TIGD3: variants seen among roughly 807,000 people sequenced by gnomAD.
TIGD3 encodes tigger transposable element derived 3, also known as tigger transposable element-derived protein 3.
Under a neutral mutation model 14.8 loss-of-function variants are expected in TIGD3, and 7 were observed. The ratio of observed to expected loss-of-function variants is 0.47; its 90% confidence interval spans 0.27 to 0.89. The LOEUF (loss-of-function observed/expected upper bound fraction) is 0.89, where lower values mean the gene tolerates loss of function less well. Among genes scored for constraint, TIGD3 ranks in the 40% least tolerant of loss-of-function variants. The pLI is 0.13. For missense variants in TIGD3, 581 were observed against 611.0 expected, an observed-to-expected ratio of 0.95 and a Z score of 0.52; for synonymous variants, 243 against 269.4, an observed-to-expected ratio of 0.90 and a Z score of 0.96.
In TIGD3 at chr11:65,357,260, C is replaced by A. The variant is rs192380104; in HGVS notation, c.*36C>A. 264 of 1,594,904 alleles carry A rather than the reference C, an allele frequency of 1.7e-4. No individual in the cohort carries two copies. In the African/African-American group the frequency reaches 3.1e-3, roughly 18 times the overall value. The stretch of plus-strand genomic sequence containing the variant: ...ACTGCTTGCCAGAGCCCCTTCCTCT[C>A]TTGTTTCCCATGGAAACGGCCTCTT... On this transcript the variant is annotated 3_prime_UTR_variant, in exon 2 of 2. Coordinates refer to ENST00000309880, the MANE Select transcript of TIGD3 (RefSeq NM_145719.3).
At position 65,356,817 on chromosome 11, in the gene TIGD3, G is replaced by C. The variant is rs758062606; in HGVS notation, c.1009G>C (p.Val337Leu). The C allele has an allele frequency of 9.9e-6, 16 of 1,613,058 alleles. No individual in the cohort carries two copies. The highest frequency in any genetic ancestry group is 1.3e-5 in the Non-Finnish European group (15 of 1,179,924). The change falls in exon 2 of 2, where the codon GTG becomes CTG. Residue 337 changes from valine to leucine, a missense_variant. Val to Leu is a conservative substitution (Grantham distance 32). Transcript: ENST00000309880. The surrounding 1 kb of genome is among the most constrained non-coding windows in gnomAD (Gnocchi z 5.2). The part of the protein sequence containing the change: ...SLAEAGAGIT[V>L]LDALHVASAA... ...GGCCGAGGCCGGGGCAGGCATCACCGTGCTGGACGCCCTGCACGTGGCGTC... is the reference window on the plus strand; with the variant it reads ...GGCCGAGGCCGGGGCAGGCATCACCCTGCTGGACGCCCTGCACGTGGCGTC...
In TIGD3 at chr11:65,356,607, G is replaced by T; in HGVS notation, c.799G>T (p.Ala267Ser). The T allele has an allele frequency of 6.2e-7, 1 of 1,611,292 alleles. No homozygotes were observed. Residue 267 changes from alanine (A) to serine (S), a missense_variant, in exon 2 of 2, where the codon GCC becomes TCC. Coordinates refer to ENST00000309880, the MANE Select transcript of TIGD3 (RefSeq NM_145719.3). The surrounding 1 kb of genome is among the most constrained non-coding windows in gnomAD (Gnocchi z 5.2). ...QGRQVALLLA[A>S]RVVEELAGLP... ...CCGACAGGTGGCTTTGCTGCTGGCT[G>T]CCCGAGTGGTGGAGGAGCTGGCAGG...
Position 65,357,508 on chromosome 11 carries a change from G to T in TIGD3, c.*284G>T. 2.8e-6 allele frequency: 1 copy of T among 351,948 alleles called. No homozygotes were observed. The highest frequency in any genetic ancestry group is 5.5e-6 in the Non-Finnish European group (1 of 183,452). 21.8% of individuals were successfully genotyped at this position (351,948 alleles called of 1,614,324 possible). A position where few individuals can be genotyped will look rare whatever the true frequency, so the allele number is the denominator to read the frequency against. On this transcript the variant is annotated 3_prime_UTR_variant, in exon 2 of 2. Coordinates refer to ENST00000309880, the MANE Select transcript of TIGD3 (RefSeq NM_145719.3). ...CCTTTGAAAGGGAGTTAGTCTAGAG[G>T]CAGCCACTTAGAAAGGTGGAATTTG... is the stretch of plus-strand genomic sequence containing the variant.
chr11:65,356,250 G>C lies in TIGD3; in HGVS notation c.442G>C (p.Glu148Gln), dbSNP rs574350803. The C allele has an allele frequency of 8.7e-6, 14 of 1,612,846 alleles. No homozygotes were observed. The highest frequency in any genetic ancestry group is 1.3e-5 in the African/African-American group (1 of 74,924). The change falls in exon 2 of 2, where the codon GAG becomes CAG. Residue 148 changes from glutamate to glutamine, a missense_variant. By Grantham distance (29) the Glu-to-Gln change is conservative (BLOSUM62 2). Transcript: ENST00000309880. The surrounding 1 kb of genome is among the most constrained non-coding windows in gnomAD (Gnocchi z 5.2). ...RHVLAPSFPP[E>Q]PPPPGLTSQA... ...TGTTCTTGCGCCTTCATTCCCCCCT[G>C]AGCCACCTCCCCCGGGGCTCACATC...
chr11:65,355,602 G>T (rs1854837895), intron 1 of TIGD3, among the ~76,000 whole-genome samples, 191 bp from the exon 2 acceptor site: 2 of 151,976 alleles, frequency 1.3e-5, no homozygotes, highest in Admixed American at 1.3e-4. Flanking sequence ...CCCCTCCCCA[G>T]CTCTGCCCTG....
rs1279280445 is a variant in TIGD3 at position 65,356,911 on chromosome 11, G to T, written c.1103G>T (p.Gly368Val). The stretch of plus-strand genomic sequence containing the variant: ...TTCATTCAAGAAGGGCTGGCTCCCG[G>T]CAAAACGCCCCCGTCCTCGCACAAA... Reference protein sequence around the residue: ...SSFIQEGLAPGKTPPSSHKTS... With the variant: ...SSFIQEGLAPVKTPPSSHKTS... Residue 368 changes from glycine to valine, a missense_variant, in exon 2 of 2, where the codon GGC (glycine) becomes GTC (valine). Transcript: ENST00000309880. The surrounding 1 kb of genome is among the most constrained non-coding windows in gnomAD (Gnocchi z 5.2). The T allele has an allele frequency of 6.2e-7, 1 of 1,614,030 alleles. No homozygotes were observed.
rs1268700900 is a variant in TIGD3 at position 65,356,961 on chromosome 11, G to T, written c.1153G>T (p.Gly385Cys). 6.2e-7 allele frequency: 1 copy of T among 1,614,038 alleles called. No individual in the cohort carries two copies. The highest frequency in any genetic ancestry group is 1.3e-5 in the African/African-American group (1 of 74,940). Reference sequence around the variant, plus strand: ...AACCTCTGAGATGCCACCAGTCCCCGGCGGGCTGAGCCTGGAGGAGTTTTC... The same window carrying T: ...AACCTCTGAGATGCCACCAGTCCCCTGCGGGCTGAGCCTGGAGGAGTTTTC... ...HKTSEMPPVP[G>C]GLSLEEFSRF... Residue 385 changes from glycine to cysteine, a missense_variant, in exon 2 of 2, where the codon GGC becomes TGC. Gly to Cys is a radical substitution (Grantham distance 159). Coordinates refer to ENST00000309880, the MANE Select transcript of TIGD3 (RefSeq NM_145719.3). This position sits in a 1 kb window ranked among gnomAD's most constrained non-coding sequence, Gnocchi z 5.2.
At position 65,357,023 on chromosome 11, in the gene TIGD3, T is replaced by C; in HGVS notation, c.1215T>C (p.Ser405=). Residue 405 remains serine (S), a synonymous_variant, in exon 2 of 2, where the codon TCT becomes TCC. Coordinates refer to ENST00000309880, the MANE Select transcript of TIGD3 (RefSeq NM_145719.3). ...FVDLEGEEPR[S]GVCKEEIGTE... ...ACCTGGAGGGTGAGGAGCCAAGGTC[T>C]GGAGTATGTAAGGAGGAGATAGGCA... 1.2e-6 allele frequency: 2 copies of C among 1,614,038 alleles called. No individual in the cohort carries two copies. The highest frequency in any genetic ancestry group is 1.7e-6 in the Non-Finnish European group (2 of 1,179,978).
At chr11:65,355,503 T>C (rs565473759) in intron 1 of TIGD3, among the ~76,000 whole-genome samples, 29 of 146,560 alleles carry the variant, frequency 2.0e-4, no homozygotes, top group Non-Finnish European at 4.1e-4. Flanking sequence ...TTGTTATCTC[T>C]GCAGCTGTCC....
Position 65,356,596 on chromosome 11 carries a change from T to C in TIGD3, c.788T>C (p.Leu263Ser). ...DMGQQGRQVA[L>S]LLAARVVEEL... Reference sequence around the variant, plus strand: ...GGACAGCAGGGCCGACAGGTGGCTTTGCTGCTGGCTGCCCGAGTGGTGGAG... The same window carrying C: ...GGACAGCAGGGCCGACAGGTGGCTTCGCTGCTGGCTGCCCGAGTGGTGGAG... The change falls in exon 2 of 2, where the codon TTG (leucine) becomes TCG (serine). Residue 263 changes from leucine to serine, a missense_variant. Physicochemically the swap from Leu to Ser is moderately radical, Grantham distance 145. Coordinates refer to ENST00000309880, the MANE Select transcript of TIGD3 (RefSeq NM_145719.3). The surrounding 1 kb of genome is among the most constrained non-coding windows in gnomAD (Gnocchi z 5.2). The C allele has an allele frequency of 5.0e-6, 8 of 1,610,708 alleles. No homozygotes were observed. The highest frequency in any genetic ancestry group is 5.9e-6 in the Non-Finnish European group (7 of 1,179,950).
rs1482676828 is a variant in TIGD3, at chr11:65,356,204, C to T, written c.396C>T (p.Asn132=). ...GWLVRWKRRN[N]VGFGARHVLA... ...TGGTCCGCTGGAAACGCCGAAACAA[C>T]GTCGGCTTTGGGGCCCGCCATGTTC... is the stretch of plus-strand genomic sequence containing the variant. The change falls in exon 2 of 2, where the codon AAC becomes AAT. Residue 132 remains asparagine (N), a synonymous_variant. Transcript: ENST00000309880. This position sits in a 1 kb window ranked among gnomAD's most constrained non-coding sequence, Gnocchi z 5.2. The T allele has an allele frequency of 8.1e-6, 13 of 1,611,966 alleles. No individual in the cohort carries two copies. The Admixed American group carries it at 1.8e-4, about 23-fold the overall frequency.
intron 1 of TIGD3, 45 bp from the exon 2 acceptor site, chr11:65,355,748 C>T (rs1854840272): frequency 2.7e-6 from 4 of 1,490,112 alleles, no homozygotes; most frequent in Admixed American, 4.1e-5. Flanking sequence ...CTAGCTCTTC[C>T]GGCCTCAGAT....
In TIGD3 at chr11:65,356,381, A is replaced by G. The variant is rs1036062198; in HGVS notation, c.573A>G (p.Ala191=). The change falls in exon 2 of 2, where the codon GCA becomes GCG. Residue 191 remains alanine, a synonymous_variant. Coordinates refer to ENST00000309880, the MANE Select transcript of TIGD3 (RefSeq NM_145719.3). The surrounding 1 kb of genome is among the most constrained non-coding windows in gnomAD (Gnocchi z 5.2). ...LYRAVPGSFG[A]CDQVQVLLCA... Reference sequence around the variant, plus strand: ...GGGCAGTGCCCGGCAGCTTTGGTGCATGTGATCAAGTACAGGTGCTGCTGT... The same window carrying G: ...GGGCAGTGCCCGGCAGCTTTGGTGCGTGTGATCAAGTACAGGTGCTGCTGT... 6.2e-7 allele frequency: 1 copy of G among 1,611,044 alleles called. No individual in the cohort carries two copies. Among genetic ancestry groups the G allele is most frequent in the East Asian group, 2.2e-5 (1 of 44,894 alleles).
At chr11:65,355,475 T>A (rs1415380964) in intron 1 of TIGD3, among the ~76,000 whole-genome samples, 1 of 43,928 alleles carries the variant, frequency 2.3e-5, no homozygotes, top group Non-Finnish European at 4.5e-5. Flanking sequence ...TCCCAGGCCC[T>A]CCCCCGTCCG....
Position 65,356,707 on chromosome 11 carries a change from TG to T in TIGD3, c.901del (p.Val301SerfsTer87). 6.2e-7 allele frequency: 1 copy of T among 1,613,248 alleles called. No individual in the cohort carries two copies. Among genetic ancestry groups the T allele is most frequent in the Non-Finnish European group, 8.5e-7 (1 of 1,179,994 alleles). On this transcript the variant is annotated frameshift_variant, in exon 2 of 2. Transcript: ENST00000309880. LOFTEE classifies it low-confidence loss of function (END_TRUNC). This position sits in a 1 kb window ranked among gnomAD's most constrained non-coding sequence, Gnocchi z 5.2. ...ACCACGCCTCCCCTGCCCAGCTCAG[TG>T]GTCCGGGCCTTTAAGGCCCATTACC... is the stretch of plus-strand genomic sequence containing the variant. ...SSTTPPLPSS[V>X]VRAFKAHYRH...
chr11:65,356,427 G>A lies in TIGD3; in HGVS notation c.619G>A (p.Glu207Lys). Residue 207 changes from glutamate to lysine, a missense_variant, in exon 2 of 2, where the codon GAG (glutamate) becomes AAG (lysine). By Grantham distance (56) the Glu-to-Lys change is moderately conservative (BLOSUM62 1). Coordinates refer to ENST00000309880, the MANE Select transcript of TIGD3 (RefSeq NM_145719.3). The surrounding 1 kb of genome is among the most constrained non-coding windows in gnomAD (Gnocchi z 5.2). ...VLLCANSRGT[E>K]KRRVLLGGLQ... ...GCTGTGTGCCAACAGCAGGGGCACCGAGAAGCGGCGGGTACTGCTGGGTGG... is the reference window on the plus strand; with the variant it reads ...GCTGTGTGCCAACAGCAGGGGCACCAAGAAGCGGCGGGTACTGCTGGGTGG... The A allele has an allele frequency of 6.2e-7, 1 of 1,609,758 alleles. No individual in the cohort carries two copies. Among genetic ancestry groups the A allele is most frequent in the South Asian group, 1.1e-5 (1 of 91,080 alleles).
rs373026238 is a variant in TIGD3, at chr11:65,356,105, G to A, written c.297G>A (p.Gly99=). 12 of 1,611,120 alleles carry A rather than the reference G, an allele frequency of 7.4e-6. No individual in the cohort carries two copies. In the African/African-American group the frequency reaches 1.2e-4, roughly 16 times the overall value. ...IARAKAWDVT[G]PMLLHKAKEL... The stretch of plus-strand genomic sequence containing the variant: ...GGGCCAAGGCCTGGGACGTGACGGG[G>A]CCCATGCTGCTCCACAAAGCCAAGG... The change falls in exon 2 of 2, where the codon GGG becomes GGA. Residue 99 remains glycine (G), a synonymous_variant. Coordinates refer to ENST00000309880, the MANE Select transcript of TIGD3 (RefSeq NM_145719.3). The surrounding 1 kb of genome is among the most constrained non-coding windows in gnomAD (Gnocchi z 5.2).
chr11:65,356,438 G>A lies in TIGD3; in HGVS notation c.630G>A (p.Arg210=). Residue 210 remains arginine, a synonymous_variant, in exon 2 of 2, where the codon CGG becomes CGA. Transcript: ENST00000309880. This position sits in a 1 kb window ranked among gnomAD's most constrained non-coding sequence, Gnocchi z 5.2. The part of the protein sequence containing the change: ...CANSRGTEKR[R]VLLGGLQAAP... ...ACAGCAGGGGCACCGAGAAGCGGCG[G>A]GTACTGCTGGGTGGGCTCCAGGCTG... is the stretch of plus-strand genomic sequence containing the variant. 6.2e-7 allele frequency: 1 copy of A among 1,609,142 alleles called. No individual in the cohort carries two copies. The highest frequency in any genetic ancestry group is 8.5e-7 in the Non-Finnish European group (1 of 1,179,988).
Position 65,355,867 on chromosome 11 carries a change from T to C in TIGD3, c.59T>C (p.Val20Ala). The C allele has an allele frequency of 6.2e-7, 1 of 1,613,768 alleles. No individual in the cohort carries two copies. The highest frequency in any genetic ancestry group is 2.2e-5 in the East Asian group (1 of 44,866). The change falls in exon 2 of 2, where the codon GTG becomes GCG. Residue 20 changes from valine (V) to alanine (A), a missense_variant. By Grantham distance (64) the Val-to-Ala change is moderately conservative. Transcript: ENST00000309880. ...HALSLAEKIQ[V>A]LELLDESKMS... is the part of the protein sequence containing the mutation. ...CTGTCCCTGGCCGAGAAGATCCAGG[T>C]GCTGGAACTCCTGGATGAGTCCAAG...
Sources: allele counts gnomAD v4.1 joint callset (sites outside exome capture counted in the v4.1 genomes callset), GRCh38; gene constraint gnomAD v4.1.1; non-coding constraint Gnocchi (gnomAD v3.1); transcripts MANE v1.5; gene names NCBI Gene and HGNC (gene_info 2026-07-23, HGNC 2026-07-21).